The following GBE1 variants were observed in gnomAD, a reference collection of about 807,000 sequenced individuals.
The protein encoded by GBE1 is 1,4-alpha-glucan-branching enzyme.
A neutral mutation model predicts 88.8 loss-of-function variants in GBE1; 70 were observed. The observed-to-expected ratio is 0.79, with a 90% CI of 0.65 to 0.96. The LOEUF (loss-of-function observed/expected upper bound fraction) is 0.96. Among genes scored for constraint, GBE1 ranks in the 40% least tolerant of loss-of-function variants. The pLI is 0.00. For synonymous variants in GBE1, 284 were observed against 300.1 expected, an observed-to-expected ratio of 0.95 and a Z score of 0.56; for missense variants, 872 against 871.0, an observed-to-expected ratio of 1.00 and a Z score of -0.01.
In GBE1 at chr3:81,536,916, G is replaced by C. The variant is rs552922259; in HGVS notation, c.1798C>G (p.Pro600Ala). ...ATCCAGAGTGAAGAGCTTACCTGTG[G>C]AGCTGCAAGCCAACCATATCTTTCT... ...LEERYGWLAA[P>A]QAYVSEKHEG... The change falls in exon 13 of 16, where the codon CCA (proline) becomes GCA (alanine). Residue 600 changes from proline to alanine, a missense_variant. By Grantham distance (27) the Pro-to-Ala change is conservative. Coordinates refer to ENST00000429644, the MANE Select transcript of GBE1 (RefSeq NM_000158.4). 6.3e-7 allele frequency: 1 copy of C among 1,586,950 alleles called. No homozygotes were observed. The highest frequency in any genetic ancestry group is 2.3e-5 in the East Asian group (1 of 42,778).
At chr3:81,697,798 C>A (rs1236267495) in intron 2 of GBE1, among the ~76,000 whole-genome samples, 1 of 151,936 alleles carries the variant, frequency 6.6e-6, no homozygotes, top group East Asian at 1.9e-4. Flanking sequence ...TGCTTTGGAG[C>A]AGGTGGAAGG....
chr3:81,652,404 G>A (rs2107079980), intron 3 of GBE1, among the ~76,000 whole-genome samples: 1 of 152,308 alleles, frequency 6.6e-6, no homozygotes, highest in Admixed American at 6.5e-5. Context: ...AGGAGTATTT[G>A]CTCATTCACT....
chr3:81,728,535 G>T (rs953725411), intron 1 of GBE1, among the ~76,000 whole-genome samples: 1 of 152,144 alleles, frequency 6.6e-6, no homozygotes, highest in Non-Finnish European at 1.5e-5. Flanking sequence ...AATGTGGCTA[G>T]CAGTGGATAA....
chr3:81,599,386 G>C (rs1348788563), intron 7 of GBE1, among the ~76,000 whole-genome samples: 2 of 151,938 alleles, frequency 1.3e-5, no homozygotes, highest in Non-Finnish European at 2.9e-5. Context: ...AAGGCTATTA[G>C]TCGGATAGGA....
intron 7 of GBE1, among the ~76,000 whole-genome samples, chr3:81,628,742 C>CGCATATAT (rs1289319781): frequency 1.5e-5 from 1 of 65,418 alleles, no homozygotes; most frequent in Non-Finnish European, 2.7e-5. Context: ...AGAACAATTG[C>CGCATATAT]ATATATATAT....
At chr3:81,611,018 A>T (rs1409781000) in intron 7 of GBE1, among the ~76,000 whole-genome samples, 2 of 151,730 alleles carry the variant, frequency 1.3e-5, no homozygotes, top group African/African-American at 4.8e-5. Flanking sequence ...AAAAAAAAGT[A>T]ATCTTTATAG....
intron 14 of GBE1, among the ~76,000 whole-genome samples, chr3:81,508,703 A>G (rs888606864): frequency 7.2e-5 from 11 of 152,154 alleles, no homozygotes; most frequent in African/African-American, 2.2e-4. Flanking sequence ...CTGAAAAATA[A>G]AGACAATCAT....
chr3:81,703,643 C>T (rs1040282036), intron 2 of GBE1, among the ~76,000 whole-genome samples: 6 of 151,860 alleles, frequency 4.0e-5, no homozygotes. Context: ...TACTTTTAAA[C>T]TGAAAATTTT....
intron 3 of GBE1, among the ~76,000 whole-genome samples, chr3:81,664,384 A>C (rs957462542): frequency 2.6e-5 from 4 of 151,596 alleles, no homozygotes; most frequent in Non-Finnish European, 4.4e-5. Flanking sequence ...AAGAATGGTA[A>C]GGAAATGACA....
Position 81,489,812 on chromosome 3 carries a change from A to G in GBE1, c.*595T>C, listed in dbSNP as rs1397549205. 1 of 152,194 alleles carries G rather than the reference A, an allele frequency of 6.6e-6. No individual in the cohort carries two copies. The highest frequency in any genetic ancestry group is 1.5e-5 in the Non-Finnish European group (1 of 68,016). The allele number at this position is 152,194 out of a possible 1,614,324, so 9.4% of individuals were successfully genotyped here. On this transcript the variant is annotated 3_prime_UTR_variant, in exon 16 of 16. Transcript: ENST00000429644. ...GATACTGGCATTTAACAAGATACTT[A>G]GTGGACAAGAGATCACAAAATAAAA...
intron 15 of GBE1, among the ~76,000 whole-genome samples, chr3:81,493,627 G>T (rs1702464900): frequency 6.6e-6 from 1 of 151,500 alleles, no homozygotes; most frequent in Admixed American, 6.6e-5. Flanking sequence ...CTGCCTCCCA[G>T]GTTCAAGTGA....
intron 1 of GBE1, among the ~76,000 whole-genome samples, chr3:81,727,174 C>A (rs1487897948): frequency 6.6e-6 from 1 of 152,164 alleles, no homozygotes; most frequent in African/African-American, 2.4e-5. Flanking sequence ...ATGCTTAATT[C>A]CTGGGCAAAA....
chr3:81,761,290 G>A (rs922648353), intron 1 of GBE1, 85 bp downstream of exon 1: 28 of 1,490,712 alleles, frequency 1.9e-5, no homozygotes, highest in Admixed American at 4.3e-5. Flanking sequence ...TGGCGCGCGA[G>A]GGCCGAGGGG....
chr3:81,525,220 A>G (rs1457160275), intron 14 of GBE1, among the ~76,000 whole-genome samples: 1 of 151,962 alleles, frequency 6.6e-6, no homozygotes, highest in Non-Finnish European at 1.5e-5. Flanking sequence ...TACCTAATTT[A>G]TTGAGAGTTT....
At chr3:81,651,064 T>C (rs561105440) in intron 3 of GBE1, among the ~76,000 whole-genome samples, 16 of 152,334 alleles carry the variant, frequency 1.1e-4, no homozygotes, top group African/African-American at 3.4e-4. Flanking sequence ...GATTAAAAGC[T>C]ATATTATGTC....
intron 3 of GBE1, among the ~76,000 whole-genome samples, chr3:81,659,672 T>C (rs887153800): frequency 6.6e-5 from 10 of 151,384 alleles, no homozygotes; most frequent in African/African-American, 1.7e-4. Flanking sequence ...CTAAGTGCCA[T>C]TGCAATGAAG....
intron 7 of GBE1, among the ~76,000 whole-genome samples, chr3:81,595,137 A>G (rs1221132104): frequency 4.6e-5 from 7 of 151,268 alleles, no homozygotes; most frequent in South Asian, 2.1e-4. Flanking sequence ...TAAAAAAAAA[A>G]AAAAGAAAAG....
intron 1 of GBE1, among the ~76,000 whole-genome samples, chr3:81,758,308 G>C (rs1352154830): frequency 6.6e-6 from 1 of 152,224 alleles, no homozygotes; most frequent in Non-Finnish European, 1.5e-5. Context: ...ATTAAATTGT[G>C]TTGTTTTGAC....
chr3:81,610,397 C>T (rs1704162666), intron 7 of GBE1, among the ~76,000 whole-genome samples: 1 of 152,122 alleles, frequency 6.6e-6, no homozygotes, highest in Non-Finnish European at 1.5e-5. Flanking sequence ...TAAATATGTT[C>T]TTGTGAATAA....
Sources: allele counts gnomAD v4.1 joint callset (sites outside exome capture counted in the v4.1 genomes callset), GRCh38; gene constraint gnomAD v4.1.1; transcripts MANE v1.5; gene names NCBI Gene and HGNC (gene_info 2026-07-23, HGNC 2026-07-21).